The following PTK2B variants were observed in gnomAD, a reference collection of about 807,000 sequenced individuals.
The protein encoded by PTK2B is protein tyrosine kinase 2 beta.
In PTK2B, 71 loss-of-function variants were observed where a neutral mutation model predicts 142.9. The ratio of observed to expected loss-of-function variants is 0.50; its 90% CI spans 0.41 to 0.61. PTK2B has a LOEUF of 0.61. Among genes scored for constraint, PTK2B ranks in the 20% least tolerant of loss-of-function variants. The pLI is 0.00. For missense variants in PTK2B, 1,105 were observed against 1,320.4 expected (o/e 0.84, Z 2.53); for synonymous variants, 519 against 503.4 (o/e 1.03, Z -0.42).
rs1355125961 is a variant in PTK2B at position 27,363,871 on chromosome 8, G to A, written c.-37-33677G>A. Among the ~76,000 whole-genome samples the A allele has an allele frequency of 3.9e-5, 6 of 152,316 alleles. No homozygotes were observed. The highest frequency in any genetic ancestry group is 3.4e-3 in the Middle Eastern group (1 of 294). Reference sequence around the variant, plus strand: ...CTGTGGGCCACGATTACTCTCCCACGTGCTGGAGATGAGGAAGTGAGGAAA... The same window carrying A: ...CTGTGGGCCACGATTACTCTCCCACATGCTGGAGATGAGGAAGTGAGGAAA... On this transcript the variant is annotated intron_variant, in intron 1 of 30. Transcript: ENST00000346049. The surrounding 1 kb of genome is among the most constrained non-coding windows in gnomAD (Gnocchi z 4.3).
chr8:27,408,162 A>AT (rs1563260215), intron 2 of PTK2B, among the ~76,000 whole-genome samples: 1 of 151,590 alleles, frequency 6.6e-6, no homozygotes, highest in African/African-American at 2.4e-5. Context: ...CATAGAAACT[A>AT]GGATTGTCTT....
chr8:27,364,317 G>A (rs1261785709), intron 1 of PTK2B, among the ~76,000 whole-genome samples: 1 of 152,212 alleles, frequency 6.6e-6, no homozygotes, highest in Non-Finnish European at 1.5e-5. Context: ...GGTGAATGAT[G>A]GCCTCCTCCA....
intron 1 of PTK2B, among the ~76,000 whole-genome samples, chr8:27,388,598 T>C (rs1290930078): frequency 6.6e-6 from 1 of 152,234 alleles, no homozygotes; most frequent in African/African-American, 2.4e-5. Context: ...AGTCTGTCGC[T>C]GTTCAGACAG....
chr8:27,454,260 T>C lies in PTK2B; in HGVS notation c.2702T>C (p.Leu901Pro), dbSNP rs773163210. 1 of 1,614,042 alleles carries C rather than the reference T, an allele frequency of 6.2e-7. No homozygotes were observed. Among genetic ancestry groups the C allele is most frequent in the South Asian group, 1.1e-5 (1 of 91,070 alleles). The change falls in exon 29 of 31, where the codon CTG becomes CCG. Residue 901 changes from leucine to proline, a missense_variant. Leu to Pro is a moderately conservative substitution (Grantham distance 98). Transcript: ENST00000346049. ...VLELKNELCQ[L>P]PPEGYVVVVK... is the part of the protein sequence containing the mutation. Reference sequence around the variant, plus strand: ...GAGCTCAAGAATGAGCTCTGTCAGCTGCCCCCCGAGGGCTACGTGGTGGTG... The same window carrying C: ...GAGCTCAAGAATGAGCTCTGTCAGCCGCCCCCCGAGGGCTACGTGGTGGTG...
intron 5 of PTK2B, among the ~76,000 whole-genome samples, chr8:27,426,486 A>C (rs148417169): frequency 6.6e-6 from 1 of 152,320 alleles, no homozygotes; most frequent in East Asian, 1.9e-4. Flanking sequence ...GATGGGACTC[A>C]ACACAGAAAA....
intron 1 of PTK2B, among the ~76,000 whole-genome samples, chr8:27,356,157 G>A (rs1805380330): frequency 6.6e-6 from 1 of 152,142 alleles, no homozygotes; most frequent in Non-Finnish European, 1.5e-5. Context: ...GGCCCCCTTA[G>A]TGATGACAGT....
At chr8:27,405,035 C>CCT (rs3076734) in intron 2 of PTK2B, among the ~76,000 whole-genome samples, 3,863 of 119,482 alleles carry the variant, frequency 0.032, 129 homozygotes, top group East Asian at 0.065. Context: ...TCTTTCTCTT[C>CCT]CTCTCTCTCT....
At chr8:27,447,948 G>T (rs1035920083) in intron 24 of PTK2B, among the ~76,000 whole-genome samples, 1 of 152,166 alleles carries the variant, frequency 6.6e-6, no homozygotes, top group African/African-American at 2.4e-5. Flanking sequence ...GGTGCTGAAG[G>T]GGGGAGGCGC....
upstream of PTK2B, among the ~76,000 whole-genome samples, chr8:27,323,063 C>T (rs559743128): frequency 1.3e-5 from 2 of 152,354 alleles, no homozygotes; most frequent in South Asian, 2.1e-4. Flanking sequence ...ATCACCAGCT[C>T]AACCACCTTT....
chr8:27,415,579 G>A (rs1187870754), intron 2 of PTK2B, among the ~76,000 whole-genome samples: 2 of 152,188 alleles, frequency 1.3e-5, no homozygotes, highest in Non-Finnish European at 2.9e-5. Flanking sequence ...GCTAAACTGT[G>A]ATGAATGAGA....
chr8:27,450,604 G>A, intron 24 of PTK2B, 145 bp from the exon 25 acceptor site: 1 of 1,005,488 alleles, frequency 9.9e-7, no homozygotes, highest in Non-Finnish European at 1.4e-6. Context: ...ATATAGCTCT[G>A]GGTTTAAGAA....
At position 27,454,618 on chromosome 8, in the gene PTK2B, G is replaced by T. The variant is rs7007145; in HGVS notation, c.2814+7G>T. ...GTCATCTTCACGGACAGAGGTGAGCGTCCCATTCCAGACAGCACCATAGGC... is the reference window on the plus strand; with the variant it reads ...GTCATCTTCACGGACAGAGGTGAGCTTCCCATTCCAGACAGCACCATAGGC... On this transcript the variant is annotated splice_region_variant and intron_variant, in intron 30 of 30. Transcript: ENST00000346049. The T allele has an allele frequency of 6.2e-7, 1 of 1,610,780 alleles. No individual in the cohort carries two copies. Among genetic ancestry groups the T allele is most frequent in the African/African-American group, 1.3e-5 (1 of 74,800 alleles).
chr8:27,436,060 G>C (rs533782033), intron 14 of PTK2B, among the ~76,000 whole-genome samples, 191 bp from the exon 15 acceptor site: 2 of 152,260 alleles, frequency 1.3e-5, no homozygotes, highest in Admixed American at 1.3e-4. Flanking sequence ...AGAGGGAGCA[G>C]GGTGATGGCT....
In PTK2B at chr8:27,433,541, A is replaced by G; in HGVS notation, c.1094A>G (p.His365Arg). The change falls in exon 11 of 31, where the codon CAT becomes CGT. Residue 365 changes from histidine to arginine, a missense_variant. Physicochemically the swap from His to Arg is conservative, Grantham distance 29 (BLOSUM62 0). Transcript: ENST00000346049. ...QGEHQGSLII[H>R]PRKDGEKRNS... ...GAGCACCAAGGCTCTCTCATCATCCATCCTAGGAAAGGTGGGTTCCATTTA... is the reference window on the plus strand; with the variant it reads ...GAGCACCAAGGCTCTCTCATCATCCGTCCTAGGAAAGGTGGGTTCCATTTA... 6 of 1,613,570 alleles carry G rather than the reference A, an allele frequency of 3.7e-6. No individual in the cohort carries two copies. The highest frequency in any genetic ancestry group is 5.1e-6 in the Non-Finnish European group (6 of 1,179,484).
At chr8:27,340,177 A>G (rs1042291770) in intron 1 of PTK2B, among the ~76,000 whole-genome samples, 1 of 152,246 alleles carries the variant, frequency 6.6e-6, no homozygotes, top group Non-Finnish European at 1.5e-5. Context: ...AAGGGGTACT[A>G]TTCTCAAGAT....
intron 1 of PTK2B, among the ~76,000 whole-genome samples, chr8:27,350,797 G>A (rs992173023): frequency 6.6e-6 from 1 of 150,626 alleles, no homozygotes; most frequent in Non-Finnish European, 1.5e-5. Context: ...GGCCAACATG[G>A]TGAAACCCCA....
chr8:27,335,075 G>A (rs531169035), intron 1 of PTK2B, among the ~76,000 whole-genome samples: 10 of 152,180 alleles, frequency 6.6e-5, no homozygotes, highest in African/African-American at 2.2e-4. Flanking sequence ...GCAATGCTCC[G>A]GGAAAATGGG....
chr8:27,426,700 CT>C lies in PTK2B; in HGVS notation c.552-3392del, dbSNP rs1482766146. Among the ~76,000 whole-genome samples, 3 of 152,272 alleles carry C rather than the reference CT, an allele frequency of 2.0e-5. No individual in the cohort carries two copies. The East Asian group carries it at 5.8e-4, about 29-fold the overall frequency. On this transcript the variant is annotated intron_variant, in intron 5 of 30. Coordinates refer to ENST00000346049, the MANE Select transcript of PTK2B (RefSeq NM_173176.3). The stretch of plus-strand genomic sequence containing the variant: ...TGACTATATAAATGATCTTCGATGC[CT>C]GAGAGAAGGGCCATTTGGGACACAG...
At chr8:27,327,912 T>A (rs1430489758) in intron 1 of PTK2B, among the ~76,000 whole-genome samples, 2 of 152,204 alleles carry the variant, frequency 1.3e-5, no homozygotes, top group African/African-American at 4.8e-5. Flanking sequence ...TGGTACATAT[T>A]GAATTTTGCA....
Sources: gnomAD v4.1 joint callset for allele counts (sites outside exome capture counted in the v4.1 genomes callset) on GRCh38, gnomAD v4.1.1 for gene constraint, Gnocchi (gnomAD v3.1) non-coding constraint, MANE v1.5 for transcripts, NCBI Gene and HGNC (gene_info 2026-07-23, HGNC 2026-07-21) for gene names.